TBCD: variants seen among roughly 807,000 people sequenced by gnomAD.
TBCD encodes tubulin-specific chaperone D.
In TBCD, 105 loss-of-function variants were observed where a neutral mutation model predicts 169.3. That is an observed-to-expected ratio of 0.62 (90% CI 0.53 to 0.73). TBCD has a LOEUF of 0.73. Ranked by LOEUF, TBCD falls within the 30% of genes least tolerant of loss-of-function variation. The probability of loss-of-function intolerance (pLI) is 0.00; values close to 1 mark genes in which losing one functional copy is unlikely to be tolerated. For synonymous variants in TBCD, 700 were observed against 643.9 expected (o/e 1.09, Z -1.32); for missense variants, 1,444 against 1,600.1 (o/e 0.90, Z 1.66).
intron 13 of TBCD, chr17:82,830,540 C>CCT (rs770941880): frequency 6.2e-7 from 1 of 1,614,102 alleles, no homozygotes; most frequent in Admixed American, 1.7e-5. Flanking sequence ...CTGGGCCCAT[C>CCT]CTCAGAACCT....
chr17:82,832,185 A>C lies in TBCD; in HGVS notation c.1318+17251A>C, dbSNP rs1434227624. The C allele has an allele frequency of 6.2e-7, 1 of 1,614,234 alleles. No individual in the cohort carries two copies. Among genetic ancestry groups the C allele is most frequent in the Admixed American group, 1.7e-5 (1 of 60,026 alleles). On this transcript the variant is annotated intron_variant, in intron 13 of 38. Transcript: ENST00000355528. This position sits in a 1 kb window ranked among gnomAD's most constrained non-coding sequence, Gnocchi z 4.9. ...CGAAGGCAGAGAGTCCATTTGCGAC[A>C]GACTTGGAAGAGGCTGGCTTCGCCG...
rs79239215 is a variant in TBCD at position 82,890,580 on chromosome 17, G to A, written c.1563+883G>A. ...GCCAGAGTCAGCTGGAGAGGCGGGC[G>A]GACGAGGACTTGCGCCTGTTATTGA... On this transcript the variant is annotated intron_variant, in intron 16 of 38. Transcript: ENST00000355528. The surrounding 1 kb of genome is among the most constrained non-coding windows in gnomAD (Gnocchi z 5.3). 0.012 allele frequency among the ~76,000 whole-genome samples: 1,896 copies of A among 152,238 alleles called. 37 individuals carry two copies. The highest frequency in any genetic ancestry group is 0.044 in the African/African-American group (1,831 of 41,540).
At chr17:82,894,869 C>T (rs1169768548) in intron 17 of TBCD, among the ~76,000 whole-genome samples, 1 of 152,124 alleles carries the variant, frequency 6.6e-6, no homozygotes, top group Non-Finnish European at 1.5e-5. Flanking sequence ...CCCAGCTACT[C>T]AGGAGGCTGA....
intron 23 of TBCD, among the ~76,000 whole-genome samples, 173 bp downstream of exon 23, chr17:82,911,962 G>C (rs1219909528): frequency 1.3e-5 from 2 of 152,320 alleles, no homozygotes; most frequent in Non-Finnish European, 1.5e-5. Flanking sequence ...TGGTTCCTAC[G>C]AGGGAGAGAT....
At chr17:82,790,437 C>A (rs1050115711) in intron 7 of TBCD, among the ~76,000 whole-genome samples, 11 of 152,334 alleles carry the variant, frequency 7.2e-5, no homozygotes, top group African/African-American at 2.6e-4. Context: ...TCATCTTGGC[C>A]TCGGAAGCAG....
At chr17:82,837,837 C>A (rs979256876) in intron 13 of TBCD, among the ~76,000 whole-genome samples, 4 of 152,330 alleles carry the variant, frequency 2.6e-5, no homozygotes, top group Admixed American at 6.5e-5. Flanking sequence ...CCTGGCCTGG[C>A]ACAAAGCCTT....
chr17:82,906,771 T>A (rs1354180832), intron 20 of TBCD, among the ~76,000 whole-genome samples: 1 of 152,254 alleles, frequency 6.6e-6, no homozygotes, highest in African/African-American at 2.4e-5. Flanking sequence ...CGCCCAAGCC[T>A]GAGGAAGCTC....
chr17:82,847,142 G>GA (rs2055201976), intron 13 of TBCD, among the ~76,000 whole-genome samples: 4 of 152,100 alleles, frequency 2.6e-5, no homozygotes. Flanking sequence ...ATGAGGTCAG[G>GA]AGATCGAGAC....
chr17:82,800,359 T>G (rs1302808155), intron 8 of TBCD, among the ~76,000 whole-genome samples: 1 of 152,142 alleles, frequency 6.6e-6, no homozygotes, highest in Non-Finnish European at 1.5e-5. Context: ...TTGTCATCAC[T>G]GCATGACACC....
intron 6 of TBCD, among the ~76,000 whole-genome samples, chr17:82,775,034 T>G (rs1023626725): frequency 6.6e-6 from 1 of 152,202 alleles, no homozygotes; most frequent in Non-Finnish European, 1.5e-5. Context: ...CTCTGTGGAG[T>G]GCGGTGCCTG....
In TBCD at chr17:82,864,652, C is replaced by T. The variant is rs1171322353; in HGVS notation, c.1319-5572C>T. On this transcript the variant is annotated intron_variant, in intron 13 of 38. Transcript: ENST00000355528. The surrounding 1 kb of genome is among the most constrained non-coding windows in gnomAD (Gnocchi z 6.3). Reference sequence around the variant, plus strand: ...GCACAGGTGGGGAGAGTTGCTGGGCCAGCGTGGCTGGGTGACTTTCCTGTG... The same window carrying T: ...GCACAGGTGGGGAGAGTTGCTGGGCTAGCGTGGCTGGGTGACTTTCCTGTG... 6.6e-6 allele frequency among the ~76,000 whole-genome samples: 1 copy of T among 152,128 alleles called. No homozygotes were observed. The highest frequency in any genetic ancestry group is 6.5e-5 in the Admixed American group (1 of 15,282).
rs1184030335 is a variant in TBCD, at chr17:82,921,677, C to G, written c.2178+100C>G. On this transcript the variant is annotated intron_variant, in intron 25 of 38. Coordinates refer to ENST00000355528, the MANE Select transcript of TBCD (RefSeq NM_005993.5). ...GGCGACTGTGCATCATGAGGCTGTCCCTGCAGTAGCCTGATAACTGACAAA... is the reference window on the plus strand; with the variant it reads ...GGCGACTGTGCATCATGAGGCTGTCGCTGCAGTAGCCTGATAACTGACAAA... The G allele has an allele frequency of 4.2e-5, 43 of 1,021,768 alleles. No individual in the cohort carries two copies. The East Asian group carries it at 9.9e-4, about 23-fold the overall frequency. The allele number at this position is 1,021,768 out of a possible 1,614,324, so 63.3% of individuals were successfully genotyped here. A position where few individuals can be genotyped will look rare whatever the true frequency, so the allele number is the denominator to read the frequency against.
chr17:82,933,273 CT>C (rs10639851), intron 34 of TBCD, among the ~76,000 whole-genome samples: 93 of 114,624 alleles, frequency 8.1e-4, no homozygotes, highest in Middle Eastern at 6.4e-3. Context: ...TTGGGCCAGT[CT>C]TTTTTTTTTT....
At position 82,781,864 on chromosome 17, in the gene TBCD, G is replaced by A. The variant is rs2048968349; in HGVS notation, c.771+143G>A. The stretch of plus-strand genomic sequence containing the variant: ...TTTAACCGGGCCAGGGTCTTGGGCA[G>A]TTTCCTTTTCCCTCTGCTTTGGGTC... On this transcript the variant is annotated intron_variant, in intron 7 of 38. Coordinates refer to ENST00000355528, the MANE Select transcript of TBCD (RefSeq NM_005993.5). The A allele has an allele frequency of 6.7e-6, 9 of 1,343,312 alleles. No individual in the cohort carries two copies. The South Asian group carries it at 1.3e-4, about 19-fold the overall frequency. 83.2% of individuals were successfully genotyped at this position (1,343,312 alleles called of 1,614,324 possible).
intron 6 of TBCD, among the ~76,000 whole-genome samples, chr17:82,775,125 C>T (rs977170010): frequency 6.6e-6 from 1 of 152,198 alleles, no homozygotes; most frequent in Admixed American, 6.5e-5. Flanking sequence ...GGATCCCGGG[C>T]GGACTCCCGG....
rs1489243224 is a variant in TBCD, at chr17:82,937,360, T to A, written c.3281T>A (p.Val1094Glu). The A allele has an allele frequency of 6.2e-7, 1 of 1,613,842 alleles. No homozygotes were observed. The highest frequency in any genetic ancestry group is 2.2e-5 in the East Asian group (1 of 44,886). The change falls in exon 35 of 39, where the codon GTG becomes GAG. Residue 1094 changes from valine to glutamate, a missense_variant and splice_region_variant. Physicochemically the swap from Val to Glu is moderately radical, Grantham distance 121. Transcript: ENST00000355528. ...DIQKLLSGIA[V>E]FCEMVQFPGD... ...CAGAAGCTCCTGTCAGGCATCGCAG[T>A]GTGAGTTTCAAGTGCTGCTGGCCTT...
In TBCD at chr17:82,942,985, G is replaced by T. The variant is rs992262972; in HGVS notation, c.*522G>T. 5.9e-6 allele frequency: 1 copy of T among 169,288 alleles called. No homozygotes were observed. Among genetic ancestry groups the T allele is most frequent in the Non-Finnish European group, 1.3e-5 (1 of 79,558 alleles). The allele number at this position is 169,288 out of a possible 1,614,324, so 10.5% of individuals were successfully genotyped here. On this transcript the variant is annotated 3_prime_UTR_variant, in exon 39 of 39. Coordinates refer to ENST00000355528, the MANE Select transcript of TBCD (RefSeq NM_005993.5). ...GAGTGCTGGGCAGATGCTGTTTCTG[G>T]GCCCGTCTGCCTGGTGGGGGTGCTG...
intron 6 of TBCD, among the ~76,000 whole-genome samples, chr17:82,772,805 C>T (rs544786082): frequency 1.3e-5 from 2 of 152,178 alleles, no homozygotes; most frequent in African/African-American, 4.8e-5. Context: ...GCAGCCCCTG[C>T]ACAGGGATGG....
chr17:82,853,092 T>G (rs1253686231), intron 13 of TBCD, among the ~76,000 whole-genome samples: 1 of 152,088 alleles, frequency 6.6e-6, no homozygotes, highest in Non-Finnish European at 1.5e-5. Flanking sequence ...ATTAATTTAT[T>G]TTGTCGAGAC....
Sources: allele counts gnomAD v4.1 joint callset (sites outside exome capture counted in the v4.1 genomes callset), GRCh38; gene constraint gnomAD v4.1.1; non-coding constraint Gnocchi (gnomAD v3.1); transcripts MANE v1.5; gene names NCBI Gene and HGNC (gene_info 2026-07-23, HGNC 2026-07-21).